CHRNB1: variants seen among roughly 807,000 people sequenced by gnomAD.
The protein encoded by CHRNB1 is cholinergic receptor nicotinic beta 1 subunit.
A neutral mutation model predicts 53.8 loss-of-function variants in CHRNB1; 47 were observed. The observed-to-expected ratio is 0.87, with a 90% CI of 0.69 to 1.11. The LOEUF is 1.11. Among genes scored for constraint, CHRNB1 ranks in the 50% most tolerant of loss-of-function variants. The probability of loss-of-function intolerance (pLI) is 0.00; values close to 1 mark genes in which losing one functional copy is unlikely to be tolerated. For synonymous variants in CHRNB1, 259 were observed against 263.5 expected, an observed-to-expected ratio of 0.98 and a Z score of 0.16; for missense variants, 605 against 654.9, an observed-to-expected ratio of 0.92 and a Z score of 0.83.
chr17:7,454,389 G>T lies in CHRNB1; in HGVS notation c.913G>T (p.Val305Leu). The change falls in exon 8 of 11, where the codon GTA (valine) becomes TTA (leucine). Residue 305 changes from valine to leucine, a missense_variant. Transcript: ENST00000306071. The part of the protein sequence containing the change: ...ADKVPETSLS[V>L]PIIIKYLMFT... ...CAAAGTACCTGAGACCTCACTATCA[G>T]TACCCATTATTATCAAGTACCTCAT... The T allele has an allele frequency of 6.2e-7, 1 of 1,614,066 alleles. No individual in the cohort carries two copies. Among genetic ancestry groups the T allele is most frequent in the Non-Finnish European group, 8.5e-7 (1 of 1,180,000 alleles).
At chr17:7,447,742 C>G in intron 6 of CHRNB1, 92 bp downstream of exon 6, 1 of 1,486,040 alleles carries the variant, frequency 6.7e-7, no homozygotes, top group East Asian at 2.3e-5. Context: ...CCAATATAGC[C>G]CTGTGGGGTC....
intron 7 of CHRNB1, among the ~76,000 whole-genome samples, chr17:7,450,427 G>T (rs1908844747): frequency 6.6e-6 from 1 of 152,070 alleles, no homozygotes; most frequent in African/African-American, 2.4e-5. Context: ...ATAGGCATCA[G>T]CCACCACACC....
At chr17:7,454,541 C>A in intron 8 of CHRNB1, 21 bp downstream of exon 8, 1 of 1,598,274 alleles carries the variant, frequency 6.3e-7, no homozygotes, top group Non-Finnish European at 8.6e-7. Flanking sequence ...TCTCCTCCTC[C>A]AACCCCAATT....
In CHRNB1 at chr17:7,445,077, T is replaced by C. The variant is rs1250595486; in HGVS notation, c.-51T>C. On this transcript the variant is annotated 5_prime_UTR_variant, in exon 1 of 11. Transcript: ENST00000306071. The surrounding 1 kb of genome is among the most constrained non-coding windows in gnomAD (Gnocchi z 5.7). ...GGGCTCCTCGTCACTTCCCCTGTGC[T>C]GGCGGTCCCAGCGGCTCTCTGAGCG... 1 of 1,584,960 alleles carries C rather than the reference T, an allele frequency of 6.3e-7. No homozygotes were observed. Among genetic ancestry groups the C allele is most frequent in the African/African-American group, 1.3e-5 (1 of 74,684 alleles).
intron 7 of CHRNB1, among the ~76,000 whole-genome samples, chr17:7,453,156 T>A (rs1291925289): frequency 6.6e-6 from 1 of 152,178 alleles, no homozygotes; most frequent in African/African-American, 2.4e-5. Flanking sequence ...TTGCTCTTGA[T>A]GCCCAGGCTG....
intron 7 of CHRNB1, among the ~76,000 whole-genome samples, chr17:7,450,761 A>G (rs143688744): frequency 6.6e-6 from 1 of 152,322 alleles, no homozygotes; most frequent in African/African-American, 2.4e-5. Flanking sequence ...ATTTGCCTGA[A>G]ATCATTACAC....
intron 3 of CHRNB1, 120 bp from the exon 4 acceptor site, chr17:7,446,713 C>A: frequency 1.3e-6 from 1 of 753,632 alleles, no homozygotes; most frequent in Non-Finnish European, 2.3e-6. Context: ...GGCCCCTTGA[C>A]CCACAGTTTA....
chr17:7,446,983 C>CG (rs769786794), intron 4 of CHRNB1, 41 bp downstream of exon 4: 13 of 589,624 alleles, frequency 2.2e-5, no homozygotes, highest in African/African-American at 3.9e-5. Flanking sequence ...CGCGGGGCCT[C>CG]GGGGGGCGGG....
At chr17:7,449,026 A>C (rs1293578603) in intron 7 of CHRNB1, among the ~76,000 whole-genome samples, 3 of 151,812 alleles carry the variant, frequency 2.0e-5, no homozygotes, top group Admixed American at 2.0e-4. Context: ...CTGAACCACA[A>C]ACCTCCAGGC....
At chr17:7,453,339 G>A (rs1313638541) in intron 7 of CHRNB1, among the ~76,000 whole-genome samples, 1 of 152,024 alleles carries the variant, frequency 6.6e-6, no homozygotes, top group Non-Finnish European at 1.5e-5. Context: ...GGCTGGTCTC[G>A]AACCCCTGAC....
chr17:7,454,574 G>C, intron 8 of CHRNB1, 54 bp downstream of exon 8: 1 of 1,405,804 alleles, frequency 7.1e-7, no homozygotes, highest in Non-Finnish European at 1.0e-6. Context: ...ACCATAGGGA[G>C]AACTATAGCT....
At chr17:7,455,601 G>T (rs548045427) in intron 9 of CHRNB1, 145 bp downstream of exon 9, 3 of 1,245,572 alleles carry the variant, frequency 2.4e-6, no homozygotes, top group African/African-American at 3.0e-5. Context: ...CTCACTTTGA[G>T]GGGAGGTGGG....
intron 7 of CHRNB1, among the ~76,000 whole-genome samples, chr17:7,449,399 G>A (rs1188542171): frequency 4.0e-5 from 5 of 124,348 alleles, no homozygotes; most frequent in Admixed American, 1.7e-4. Flanking sequence ...CACAGGGCCC[G>A]ACCTTTTTTT....
chr17:7,447,158 G>A lies in CHRNB1; in HGVS notation c.462+7G>A, dbSNP rs747388705. ...CAGCAGCTGCAGCATCCAGGTTTCC[G>A]GCCTCCACATTGGAAGCTGAAGGAG... On this transcript the variant is annotated splice_region_variant and intron_variant, in intron 5 of 10. Transcript: ENST00000306071. 3.7e-6 allele frequency: 6 copies of A among 1,611,818 alleles called. No homozygotes were observed. The highest frequency in any genetic ancestry group is 2.7e-5 in the African/African-American group (2 of 74,976).
rs1908641319 is a variant in CHRNB1 at position 7,446,609 on chromosome 17, T to G, written c.244-224T>G. The stretch of plus-strand genomic sequence containing the variant: ...AGGCTAGCTACTGCAGCCTCCTCAT[T>G]TTTACAGAGTAAAATATTGAAACCC... On this transcript the variant is annotated intron_variant, in intron 3 of 10. Transcript: ENST00000306071. 9 of 591,594 alleles carry G rather than the reference T, an allele frequency of 1.5e-5. 1 individual carries two copies. In the South Asian group the frequency reaches 1.6e-4, roughly 11 times the overall value. The allele number at this position is 591,594 out of a possible 1,614,324, so 36.6% of individuals were successfully genotyped here. A position where few individuals can be genotyped will look rare whatever the true frequency, so the allele number is the denominator to read the frequency against.
At chr17:7,456,451 C>A in intron 10 of CHRNB1, 132 bp from the exon 11 acceptor site, 1 of 1,149,138 alleles carries the variant, frequency 8.7e-7, no homozygotes, top group Non-Finnish European at 1.3e-6. Flanking sequence ...GTCTCGCTCT[C>A]CTGTTGGCGC....
intron 7 of CHRNB1, among the ~76,000 whole-genome samples, chr17:7,454,054 C>G (rs1908983325): frequency 6.6e-6 from 1 of 152,042 alleles, no homozygotes; most frequent in Non-Finnish European, 1.5e-5. Flanking sequence ...GAGCAAGACC[C>G]AGCCTCAAAT....
chr17:7,456,439 C>A, intron 10 of CHRNB1, 144 bp from the exon 11 acceptor site: 2 of 973,956 alleles, frequency 2.1e-6, no homozygotes, highest in Non-Finnish European at 1.6e-6. Flanking sequence ...GCATTGCCTG[C>A]AGTCTCGCTC....
intron 7 of CHRNB1, among the ~76,000 whole-genome samples, chr17:7,452,679 C>G (rs1908932276): frequency 6.6e-6 from 1 of 152,184 alleles, no homozygotes; most frequent in Admixed American, 6.5e-5. Context: ...AGTTACTGCC[C>G]TTTCCCTAGA....
Sources: allele counts gnomAD v4.1 joint callset (sites outside exome capture counted in the v4.1 genomes callset), GRCh38; gene constraint gnomAD v4.1.1; non-coding constraint Gnocchi (gnomAD v3.1); transcripts MANE v1.5; gene names NCBI Gene and HGNC (gene_info 2026-07-23, HGNC 2026-07-21).